Variants in PIK3R5 observed in about 807,000 individuals in gnomAD.
PIK3R5 encodes the protein phosphoinositide-3-kinase regulatory subunit 5, also known as phosphoinositide 3-kinase regulatory subunit 5.
PIK3R5 carries 32 observed loss-of-function variants against 94.9 expected under a neutral mutation model. That is an observed-to-expected ratio of 0.34 (90% confidence interval 0.25 to 0.45). PIK3R5 has a LOEUF of 0.45. Ranked by LOEUF, PIK3R5 falls within the 20% of genes least tolerant of loss-of-function variation. PIK3R5 has a pLI of 1.00. For missense variants in PIK3R5, 853 were observed against 1,144.6 expected (o/e 0.75, Z 3.68); for synonymous variants, 443 against 479.4 (o/e 0.92, Z 0.99).
At chr17:8,914,944 T>C (rs1457990346) in intron 1 of PIK3R5, among the ~76,000 whole-genome samples, 1 of 152,152 alleles carries the variant, frequency 6.6e-6, no homozygotes, top group Non-Finnish European at 1.5e-5. Flanking sequence ...AGATGGGAAA[T>C]TGGTGGCACA....
At chr17:8,944,377 G>A (rs116897419) in intron 1 of PIK3R5, among the ~76,000 whole-genome samples, 1,544 of 152,318 alleles carry the variant, frequency 0.01, 13 homozygotes, top group Non-Finnish European at 0.014. Flanking sequence ...GAATAGTGCT[G>A]CAATGAACAT....
At chr17:8,906,127 G>A (rs2090391930) in intron 3 of PIK3R5, among the ~76,000 whole-genome samples, 1 of 152,064 alleles carries the variant, frequency 6.6e-6, no homozygotes, top group South Asian at 2.1e-4. Flanking sequence ...ACATGCATTA[G>A]GTATTTGTCC....
chr17:8,881,600 G>C lies in PIK3R5; in HGVS notation c.2382+30C>G. 6.4e-7 allele frequency: 1 copy of C among 1,571,856 alleles called. No homozygotes were observed. Among genetic ancestry groups the C allele is most frequent in the Non-Finnish European group, 8.7e-7 (1 of 1,146,602 alleles). On this transcript the variant is annotated intron_variant, in intron 17 of 18. Coordinates refer to ENST00000447110, the MANE Select transcript of PIK3R5 (RefSeq NM_001142633.3). This position sits in a 1 kb window ranked among gnomAD's most constrained non-coding sequence, Gnocchi z 4.8. ...GCACGCTCCAGTAAGTCTCTTGAGG[G>C]TATGGCTGGAAGGAGAGGGAAGCCC...
At chr17:8,908,515 A>G (rs7503499) in intron 3 of PIK3R5, among the ~76,000 whole-genome samples, 1 of 146,388 alleles carries the variant, frequency 6.8e-6, no homozygotes, top group Non-Finnish European at 1.5e-5. Flanking sequence ...AATCACATGT[A>G]TTTAAAATAA....
At chr17:8,916,264 C>T (rs963203261) in intron 1 of PIK3R5, 3 of 152,376 alleles carry the variant, frequency 2.0e-5, no homozygotes, top group Admixed American at 6.5e-5. Context: ...AGTCAGTCAT[C>T]AGCTGTTTCT....
intron 1 of PIK3R5, among the ~76,000 whole-genome samples, chr17:8,942,380 G>A (rs1047709576): frequency 2.0e-5 from 3 of 151,522 alleles, no homozygotes; most frequent in South Asian, 4.2e-4. Context: ...ACCCATAGTC[G>A]GAGCCTCCTT....
chr17:8,925,999 C>G lies in PIK3R5; in HGVS notation c.-13-14492G>C, dbSNP rs996721244. 6.6e-5 allele frequency among the ~76,000 whole-genome samples: 10 copies of G among 151,992 alleles called. No homozygotes were observed. Among genetic ancestry groups the G allele is most frequent in the African/African-American group, 2.4e-4 (10 of 41,360 alleles). ...CACTGAGGCTGTGAACCATGTGAAGCGAGAAGAGTGAGGAGAACACCTCCA... is the reference window on the plus strand; with the variant it reads ...CACTGAGGCTGTGAACCATGTGAAGGGAGAAGAGTGAGGAGAACACCTCCA... On this transcript the variant is annotated intron_variant, in intron 1 of 18. Coordinates refer to ENST00000447110, the MANE Select transcript of PIK3R5 (RefSeq NM_001142633.3). The surrounding 1 kb of genome is among the most constrained non-coding windows in gnomAD (Gnocchi z 5.1).
rs527853338 is a variant in PIK3R5 at position 8,905,551 on chromosome 17, C to T, written c.273+118G>A. ...AAGGGTTGAAACCCATTTCACATGC[C>T]GCTGCTTGACAGTTTCTCTCTCTGC... On this transcript the variant is annotated intron_variant, in intron 4 of 18. Transcript: ENST00000447110. The T allele has an allele frequency of 3.7e-5, 24 of 646,004 alleles. No homozygotes were observed. The East Asian group carries it at 6.6e-4, about 18-fold the overall frequency. 40.0% of individuals were successfully genotyped at this position (646,004 alleles called of 1,614,324 possible).
Position 8,935,700 on chromosome 17 carries a change from C to G in PIK3R5, c.-13-24193G>C, listed in dbSNP as rs543814461. The stretch of plus-strand genomic sequence containing the variant: ...GGAAGGTTTGTGGCAGGAAAGTGAA[C>G]AGCTCTGAGCTCCCGGACAGCTCCT... On this transcript the variant is annotated intron_variant, in intron 1 of 18. Coordinates refer to ENST00000447110, the MANE Select transcript of PIK3R5 (RefSeq NM_001142633.3). The surrounding 1 kb of genome is among the most constrained non-coding windows in gnomAD (Gnocchi z 4.5). 6.6e-6 allele frequency among the ~76,000 whole-genome samples: 1 copy of G among 152,132 alleles called. No individual in the cohort carries two copies. Among genetic ancestry groups the G allele is most frequent in the East Asian group, 1.9e-4 (1 of 5,196 alleles).
intron 1 of PIK3R5, among the ~76,000 whole-genome samples, chr17:8,952,909 T>G (rs2151474785): frequency 6.6e-6 from 1 of 152,234 alleles, no homozygotes; most frequent in Non-Finnish European, 1.5e-5. Context: ...GTGGCCGTTA[T>G]CATATGATTA....
chr17:8,964,106 C>A (rs2091618255), intron 1 of PIK3R5, among the ~76,000 whole-genome samples: 1 of 152,134 alleles, frequency 6.6e-6, no homozygotes, highest in African/African-American at 2.4e-5. Flanking sequence ...ATTTTCCACA[C>A]TGGGCCAGGC....
At chr17:8,912,192 G>A (rs1229734907) in intron 1 of PIK3R5, among the ~76,000 whole-genome samples, 2 of 152,148 alleles carry the variant, frequency 1.3e-5, no homozygotes, top group East Asian at 1.9e-4. Flanking sequence ...CACTGAAGAG[G>A]GAATTTCAGG....
intron 1 of PIK3R5, among the ~76,000 whole-genome samples, chr17:8,964,978 C>T (rs1318096551): frequency 6.7e-6 from 1 of 149,650 alleles, no homozygotes; most frequent in Non-Finnish European, 1.5e-5. Context: ...CCGGGATGGG[C>T]CAGCACGCGC....
chr17:8,951,911 T>C (rs2091383896), intron 1 of PIK3R5, among the ~76,000 whole-genome samples: 1 of 152,250 alleles, frequency 6.6e-6, no homozygotes, highest in African/African-American at 2.4e-5. Flanking sequence ...TATGACCATA[T>C]GACTACATTC....
At chr17:8,922,007 G>T (rs2090758332) in intron 1 of PIK3R5, among the ~76,000 whole-genome samples, 1 of 152,150 alleles carries the variant, frequency 6.6e-6, no homozygotes, top group African/African-American at 2.4e-5. Context: ...GAAAATATTT[G>T]CAAATCGTAT....
intron 1 of PIK3R5, among the ~76,000 whole-genome samples, chr17:8,922,689 G>A (rs2090778546): frequency 6.6e-6 from 1 of 152,062 alleles, no homozygotes; most frequent in Non-Finnish European, 1.5e-5. Context: ...CTTGGGTTAG[G>A]GCTGTTCACT....
At position 8,888,932 on chromosome 17, in the gene PIK3R5, C is replaced by T; in HGVS notation, c.896-41G>A. On this transcript the variant is annotated intron_variant, in intron 9 of 18. Transcript: ENST00000447110. This position sits in a 1 kb window ranked among gnomAD's most constrained non-coding sequence, Gnocchi z 7.8. ...GCCAGCACTGTCTGGGCGTCTGGGCCCCGGATCCCCTTCTATATTCCCTTT... is the reference window on the plus strand; with the variant it reads ...GCCAGCACTGTCTGGGCGTCTGGGCTCCGGATCCCCTTCTATATTCCCTTT... The T allele has an allele frequency of 1.3e-6, 2 of 1,560,950 alleles. No individual in the cohort carries two copies. The highest frequency in any genetic ancestry group is 1.7e-6 in the Non-Finnish European group (2 of 1,157,930).
chr17:8,958,916 C>T (rs1471021224), intron 1 of PIK3R5, among the ~76,000 whole-genome samples: 1 of 152,126 alleles, frequency 6.6e-6, no homozygotes, highest in African/African-American at 2.4e-5. Flanking sequence ...TGCCATCACG[C>T]CCGGCTAATA....
At chr17:8,961,508 G>A (rs9972922) in intron 1 of PIK3R5, among the ~76,000 whole-genome samples, 6,336 of 152,146 alleles carry the variant, frequency 0.042, 180 homozygotes, top group Non-Finnish European at 0.061. Context: ...GGAAGCGGGC[G>A]CCTGTAACTC....
Sources: allele counts gnomAD v4.1 joint callset (sites outside exome capture counted in the v4.1 genomes callset), GRCh38; gene constraint gnomAD v4.1.1; non-coding constraint Gnocchi (gnomAD v3.1); transcripts MANE v1.5; gene names NCBI Gene and HGNC (gene_info 2026-07-23, HGNC 2026-07-21).